Variants in TRAPPC3L observed in about 807,000 individuals in gnomAD.
TRAPPC3L encodes trafficking protein particle complex subunit 3L, also known as trafficking protein particle complex subunit 3-like protein.
TRAPPC3L carries 23 observed loss-of-function variants against 23.7 expected under a neutral mutation model. The observed-to-expected ratio is 0.97, with a 90% CI of 0.70 to 1.37. TRAPPC3L has a LOEUF of 1.37. TRAPPC3L is among the 40% of genes most tolerant of loss of function. The pLI, the probability that TRAPPC3L is intolerant of heterozygous loss-of-function variation, is 0.00. For missense variants in TRAPPC3L, 212 were observed against 216.8 expected (o/e 0.98, Z 0.14); for synonymous variants, 81 against 77.9 (o/e 1.04, Z -0.21).
At position 116,543,399 on chromosome 6, in the gene TRAPPC3L, T is replaced by A; in HGVS notation, c.44A>T (p.Asn15Ile). ...AHRRPEYHKINKDLFVLTYGA... is the reference protein window; with the variant it reads ...AHRRPEYHKIIKDLFVLTYGA... ...ATAGGTAAGGACAAAGAGATCTTTA[T>A]TCTGGAGAAAAAGGGGTAGTTTCTG... Residue 15 changes from asparagine (N) to isoleucine (I), a missense_variant and splice_region_variant, in exon 2 of 5, where the codon AAT becomes ATT. Coordinates refer to ENST00000368602, the MANE Select transcript of TRAPPC3L (RefSeq NM_001139444.3). The A allele has an allele frequency of 6.5e-7, 1 of 1,548,098 alleles. No homozygotes were observed. Among genetic ancestry groups the A allele is most frequent in the Non-Finnish European group, 8.7e-7 (1 of 1,144,974 alleles).
chr6:116,525,865 T>A (rs1772431984), intron 3 of TRAPPC3L, among the ~76,000 whole-genome samples: 1 of 152,206 alleles, frequency 6.6e-6, no homozygotes, highest in Non-Finnish European at 1.5e-5. Flanking sequence ...CTATATTTTA[T>A]CATAAAGAGA....
chr6:116,508,828 C>G (rs1772053380), intron 3 of TRAPPC3L, among the ~76,000 whole-genome samples: 1 of 151,984 alleles, frequency 6.6e-6, no homozygotes, highest in Non-Finnish European at 1.5e-5. Context: ...TAATAGAAAT[C>G]CCATCCATAG....
chr6:116,526,232 T>C (rs983307321), intron 3 of TRAPPC3L, among the ~76,000 whole-genome samples: 4 of 152,234 alleles, frequency 2.6e-5, no homozygotes, highest in Admixed American at 6.5e-5. Context: ...ACTTTGATCA[T>C]ATCTCTCTAG....
At position 116,515,934 on chromosome 6, in the gene TRAPPC3L, G is replaced by T. The variant is rs759613076; in HGVS notation, c.241-15268C>A. ...GTGGTGGACAATGGTCTGCAACTTA[G>T]CCCTGAGGATGATGAGACGACAATG... is the stretch of plus-strand genomic sequence containing the variant. On this transcript the variant is annotated intron_variant, in intron 3 of 4. Transcript: ENST00000368602. 5 of 1,613,090 alleles carry T rather than the reference G, an allele frequency of 3.1e-6. No homozygotes were observed. The South Asian group carries it at 5.5e-5, about 18-fold the overall frequency.
intron 3 of TRAPPC3L, among the ~76,000 whole-genome samples, chr6:116,527,927 C>T (rs1386297172): frequency 6.6e-6 from 1 of 152,132 alleles, no homozygotes; most frequent in Non-Finnish European, 1.5e-5. Flanking sequence ...GAAGCCTGCG[C>T]GTTCAGCACA....
chr6:116,504,360 A>T (rs1014179614), intron 3 of TRAPPC3L, among the ~76,000 whole-genome samples: 1 of 152,196 alleles, frequency 6.6e-6, no homozygotes, highest in Admixed American at 6.5e-5. Flanking sequence ...ATAGACTAAT[A>T]ACAGGTTCTG....
At chr6:116,520,388 T>A (rs1772310419) in intron 3 of TRAPPC3L, 1 of 152,214 alleles carries the variant, frequency 6.6e-6, no homozygotes, top group African/African-American at 2.4e-5. Flanking sequence ...ATTTTAAATA[T>A]CCCCTGTTGT....
intron 3 of TRAPPC3L, among the ~76,000 whole-genome samples, chr6:116,502,409 T>C (rs1159201238): frequency 6.6e-6 from 1 of 152,234 alleles, no homozygotes; most frequent in Non-Finnish European, 1.5e-5. Flanking sequence ...TCAGTGTACC[T>C]GAAAGTGACG....
intron 3 of TRAPPC3L, among the ~76,000 whole-genome samples, chr6:116,508,022 T>C (rs752058929): frequency 3.3e-5 from 5 of 152,220 alleles, no homozygotes; most frequent in Non-Finnish European, 7.3e-5. Context: ...TTGAAGTTTA[T>C]TAATGAAATT....
At chr6:116,541,444 C>T (rs530179862) in intron 2 of TRAPPC3L, among the ~76,000 whole-genome samples, 2 of 152,266 alleles carry the variant, frequency 1.3e-5, no homozygotes, top group Non-Finnish European at 2.9e-5. Flanking sequence ...CAAGACACCA[C>T]AGTGTTCAGA....
At chr6:116,501,146 C>T (rs974816746) in intron 3 of TRAPPC3L, among the ~76,000 whole-genome samples, 1 of 152,222 alleles carries the variant, frequency 6.6e-6, no homozygotes, top group African/African-American at 2.4e-5. Context: ...AAATACTGAG[C>T]TTTTCTCACA....
At chr6:116,510,667 C>G (rs1207727604) in intron 3 of TRAPPC3L, among the ~76,000 whole-genome samples, 1 of 151,690 alleles carries the variant, frequency 6.6e-6, no homozygotes, top group African/African-American at 2.4e-5. Flanking sequence ...GGGTATCTAT[C>G]CAAAGAAAAA....
At chr6:116,534,504 CACTCA>C (rs764324756) in intron 3 of TRAPPC3L, among the ~76,000 whole-genome samples, 1 of 152,132 alleles carries the variant, frequency 6.6e-6, no homozygotes, top group African/African-American at 2.4e-5. Context: ...TTTCTGTGTA[CACTCA>C]ACTCTAATCT....
chr6:116,530,811 C>T (rs902053628), intron 3 of TRAPPC3L, among the ~76,000 whole-genome samples: 1 of 149,866 alleles, frequency 6.7e-6, no homozygotes, highest in Admixed American at 6.7e-5. Context: ...AGTTACGTGC[C>T]CCAAATTCTA....
chr6:116,523,597 A>T (rs1772385737), intron 3 of TRAPPC3L: 1 of 152,194 alleles, frequency 6.6e-6, no homozygotes, highest in Non-Finnish European at 1.5e-5. Flanking sequence ...ATGGGGTCAG[A>T]CCTATGCAAT....
chr6:116,511,778 G>A, intron 3 of TRAPPC3L: 3 of 1,614,016 alleles, frequency 1.9e-6, no homozygotes, highest in Middle Eastern at 3.3e-4. Flanking sequence ...TCTGCTGACC[G>A]TGGGAAGTGA....
chr6:116,499,219 A>C (rs1346705446), intron 4 of TRAPPC3L, among the ~76,000 whole-genome samples: 2 of 152,178 alleles, frequency 1.3e-5, no homozygotes, highest in African/African-American at 2.4e-5. Context: ...CCTTTCAGCC[A>C]GTTCATAACC....
intron 3 of TRAPPC3L, among the ~76,000 whole-genome samples, chr6:116,532,716 A>C (rs1015647763): frequency 3.3e-5 from 5 of 152,262 alleles, no homozygotes; most frequent in African/African-American, 1.2e-4. Context: ...GGTCAACAGC[A>C]AATCGTTGGA....
intron 3 of TRAPPC3L, chr6:116,518,638 C>T (rs543103850): frequency 3.0e-4 from 46 of 152,264 alleles, no homozygotes; most frequent in African/African-American, 8.9e-4. Flanking sequence ...AGGAACTGGC[C>T]GATGCCGATG....
Sources: gnomAD v4.1 joint callset for allele counts (sites outside exome capture counted in the v4.1 genomes callset) on GRCh38, gnomAD v4.1.1 for gene constraint, MANE v1.5 for transcripts, NCBI Gene and HGNC (gene_info 2026-07-23, HGNC 2026-07-21) for gene names.